Variants in MAPK4 observed in about 807,000 individuals in gnomAD.
MAPK4 encodes the protein Erk3-related.
Under a neutral mutation model 47.7 loss-of-function variants are expected in MAPK4, and 22 were observed. The observed-to-expected ratio is 0.46, with a 90% confidence interval of 0.33 to 0.66. The LOEUF (loss-of-function observed/expected upper bound fraction) is 0.66. MAPK4 is among the 30% of genes least tolerant of loss of function. The pLI is 0.02. For missense variants in MAPK4, 736 were observed against 831.7 expected (o/e 0.88, Z 1.42); for synonymous variants, 390 against 365.7 (o/e 1.07, Z -0.76).
In MAPK4 at chr18:50,728,988, C is replaced by T. The variant is rs1373659230; in HGVS notation, c.1068-170C>T. 2.0e-5 allele frequency among the ~76,000 whole-genome samples: 3 copies of T among 152,346 alleles called. No homozygotes were observed. In the East Asian group the frequency reaches 5.8e-4, roughly 29 times the overall value. ...AGAGTTAAGCCGAACAATCCATGTC[C>T]CCAGCTGAGCCCCCAAGGCTCGCCA... On this transcript the variant is annotated intron_variant, in intron 5 of 5. Coordinates refer to ENST00000400384, the MANE Select transcript of MAPK4 (RefSeq NM_002747.4).
At position 50,560,107 on chromosome 18, in the gene MAPK4, G is replaced by C. The variant is rs1458897064; in HGVS notation, c.-1007G>C. The C allele has an allele frequency of 6.7e-6, 1 of 148,880 alleles. No homozygotes were observed. The highest frequency in any genetic ancestry group is 1.8e-4 in the South Asian group (1 of 5,546). 9.2% of individuals were successfully genotyped at this position (148,880 alleles called of 1,614,324 possible). On this transcript the variant is annotated 5_prime_UTR_variant, in exon 1 of 6. Transcript: ENST00000400384. ...GAGCCGGAGCCCGAGCTGGAGCAGCGAGCCGGGCTGTCGGGGCGACCGCGG... is the reference window on the plus strand; with the variant it reads ...GAGCCGGAGCCCGAGCTGGAGCAGCCAGCCGGGCTGTCGGGGCGACCGCGG...
At chr18:50,612,128 G>T (rs1017884796) in intron 1 of MAPK4, among the ~76,000 whole-genome samples, 5 of 152,118 alleles carry the variant, frequency 3.3e-5, no homozygotes, top group Non-Finnish European at 7.4e-5. Flanking sequence ...AGTTTTGTCT[G>T]ATCTTGAATT....
intron 1 of MAPK4, among the ~76,000 whole-genome samples, chr18:50,653,630 TGGAA>T (rs2144217263): frequency 6.6e-6 from 1 of 152,312 alleles, no homozygotes; most frequent in African/African-American, 2.4e-5. Context: ...CTCTGCAAAA[TGGAA>T]GGAAGCGGAG....
At chr18:50,716,958 C>T (rs1305972367) in intron 3 of MAPK4, among the ~76,000 whole-genome samples, 1 of 152,142 alleles carries the variant, frequency 6.6e-6, no homozygotes, top group Non-Finnish European at 1.5e-5. Context: ...TACCAGATGG[C>T]CCCTCTTCTT....
intron 1 of MAPK4, among the ~76,000 whole-genome samples, chr18:50,593,770 A>T (rs1568038153): frequency 6.6e-6 from 1 of 152,248 alleles, no homozygotes; most frequent in Admixed American, 6.5e-5. Context: ...ATAGCAAAAC[A>T]ATATTGCAAA....
chr18:50,659,017 A>G lies in MAPK4; in HGVS notation c.-870-4072A>G, dbSNP rs544296347. Among the ~76,000 whole-genome samples the G allele has an allele frequency of 7.0e-4, 106 of 152,236 alleles. 1 individual carries two copies. The highest frequency in any genetic ancestry group is 1.2e-3 in the Non-Finnish European group (84 of 68,038). On this transcript the variant is annotated intron_variant, in intron 1 of 5. Coordinates refer to ENST00000400384, the MANE Select transcript of MAPK4 (RefSeq NM_002747.4). ...TTTTTGTAAATAAAGTTTTACTGAA[A>G]TGCAGCCATGCTCATTTGTTCAGGT...
At chr18:50,628,689 G>C (rs927165774) in intron 1 of MAPK4, among the ~76,000 whole-genome samples, 1 of 152,214 alleles carries the variant, frequency 6.6e-6, no homozygotes, top group Non-Finnish European at 1.5e-5. Flanking sequence ...ACTAGGGCTA[G>C]AGCCAGGATC....
chr18:50,651,148 G>T (rs1414683615), intron 1 of MAPK4, among the ~76,000 whole-genome samples: 1 of 152,224 alleles, frequency 6.6e-6, no homozygotes, highest in Non-Finnish European at 1.5e-5. Context: ...TGCTGCTGGG[G>T]AGACTGGGGT....
At chr18:50,727,555 G>T (rs1911268267) in intron 5 of MAPK4, among the ~76,000 whole-genome samples, 1 of 152,186 alleles carries the variant, frequency 6.6e-6, no homozygotes, top group African/African-American at 2.4e-5. Context: ...CTTGACTGTG[G>T]TTCCTGCGGC....
chr18:50,591,859 T>A (rs1315421540), intron 1 of MAPK4, among the ~76,000 whole-genome samples: 1 of 152,076 alleles, frequency 6.6e-6, no homozygotes, highest in Non-Finnish European at 1.5e-5. Context: ...TTCTCTACCA[T>A]GCTATGAAAT....
intron 3 of MAPK4, among the ~76,000 whole-genome samples, chr18:50,716,239 C>A (rs1048483106): frequency 1.3e-5 from 2 of 152,170 alleles, no homozygotes; most frequent in Non-Finnish European, 2.9e-5. Flanking sequence ...CTGTTCCCAC[C>A]CAAACTGCCG....
chr18:50,632,978 A>ATTAAAACACAATGCTG (rs2042846364), intron 1 of MAPK4, among the ~76,000 whole-genome samples: 1 of 152,032 alleles, frequency 6.6e-6, no homozygotes, highest in African/African-American at 2.4e-5. Context: ...ACACAATGCT[A>ATTAAAACACAATGCTG]TTTTGTTTTT....
intron 1 of MAPK4, among the ~76,000 whole-genome samples, chr18:50,573,366 C>T (rs1457056914): frequency 6.6e-6 from 1 of 152,184 alleles, no homozygotes; most frequent in East Asian, 1.9e-4. Context: ...AAAGCTTCAT[C>T]TCTATTTACA....
intron 1 of MAPK4, among the ~76,000 whole-genome samples, chr18:50,597,569 A>G (rs903908846): frequency 1.3e-5 from 2 of 152,208 alleles, no homozygotes; most frequent in Non-Finnish European, 2.9e-5. Flanking sequence ...ACAGTGATCT[A>G]CTTTCTTAGT....
chr18:50,648,793 C>T (rs1030574043), intron 1 of MAPK4, among the ~76,000 whole-genome samples: 2 of 152,142 alleles, frequency 1.3e-5, no homozygotes, highest in Non-Finnish European at 2.9e-5. Flanking sequence ...TTACTGTAGC[C>T]TCACCCCTAC....
chr18:50,585,036 A>T (rs540128889), intron 1 of MAPK4, among the ~76,000 whole-genome samples: 3 of 152,226 alleles, frequency 2.0e-5, no homozygotes, highest in Admixed American at 2.0e-4. Flanking sequence ...TCATTTTCCT[A>T]TGTAAAAAAG....
At chr18:50,612,325 A>G (rs2042644903) in intron 1 of MAPK4, among the ~76,000 whole-genome samples, 1 of 152,240 alleles carries the variant, frequency 6.6e-6, no homozygotes, top group Admixed American at 6.5e-5. Context: ...GCTATAATCC[A>G]TATATCCAGC....
At chr18:50,649,988 C>T (rs550227490) in intron 1 of MAPK4, among the ~76,000 whole-genome samples, 10 of 152,300 alleles carry the variant, frequency 6.6e-5, no homozygotes, top group African/African-American at 2.4e-4. Flanking sequence ...GGCCCCAGCC[C>T]TGATCTGGGT....
chr18:50,584,984 A>G (rs1307492743), intron 1 of MAPK4, among the ~76,000 whole-genome samples: 2 of 152,256 alleles, frequency 1.3e-5, no homozygotes, highest in African/African-American at 4.8e-5. Flanking sequence ...TGGTTCCTGT[A>G]TAAATGTTTC....
Sources: allele counts gnomAD v4.1 joint callset (sites outside exome capture counted in the v4.1 genomes callset), GRCh38; gene constraint gnomAD v4.1.1; transcripts MANE v1.5; gene names NCBI Gene and HGNC (gene_info 2026-07-23, HGNC 2026-07-21).